RAF1: variants seen among roughly 807,000 people sequenced by gnomAD.
RAF1 encodes the protein RAF proto-oncogene serine/threonine-protein kinase.
RAF1 carries 27 observed loss-of-function variants against 81.1 expected under a neutral mutation model. The ratio of observed to expected loss-of-function variants is 0.33; its 90% confidence interval spans 0.25 to 0.46. The LOEUF (loss-of-function observed/expected upper bound fraction) is 0.46, where lower values mean the gene tolerates loss of function less well. Ranked by LOEUF, RAF1 falls within the 20% of genes least tolerant of loss-of-function variation. RAF1 has a pLI of 1.00. For synonymous variants in RAF1, 298 were observed against 294.0 expected (o/e 1.01, Z -0.14); for missense variants, 598 against 826.0 (o/e 0.72, Z 3.38).
intron 8 of RAF1, among the ~76,000 whole-genome samples, chr3:12,602,290 C>T (rs1352534477): frequency 6.6e-6 from 1 of 152,126 alleles, no homozygotes; most frequent in Non-Finnish European, 1.5e-5. Flanking sequence ...AAAATGCTGA[C>T]TTATATGTGA....
rs1450760549 is a variant in RAF1, at chr3:12,636,521, A to G, written c.-26-17774T>C. Among the ~76,000 whole-genome samples the G allele has an allele frequency of 4.0e-5, 6 of 150,422 alleles. No homozygotes were observed. In the South Asian group the frequency reaches 6.3e-4, roughly 16 times the overall value. Reference sequence around the variant, plus strand: ...AAAAAAAAAAAGGGACATTTGCTACACTGGCTAGGTGTGGTGGCTCATGCC... The same window carrying G: ...AAAAAAAAAAAGGGACATTTGCTACGCTGGCTAGGTGTGGTGGCTCATGCC... On this transcript the variant is annotated intron_variant, in intron 1 of 17. Transcript: ENST00000442415.
At chr3:12,645,241 C>G (rs936185841) in intron 1 of RAF1, among the ~76,000 whole-genome samples, 1 of 151,910 alleles carries the variant, frequency 6.6e-6, no homozygotes, top group Non-Finnish European at 1.5e-5. Context: ...TTGTGTAGTT[C>G]CGACTCAAAA....
In RAF1 at chr3:12,584,824, A is replaced by G. The variant is rs778479992; in HGVS notation, c.1863+23T>C. On this transcript the variant is annotated intron_variant, in intron 17 of 17. Transcript: ENST00000442415. ...ACGAACCAACCCATGCTTTAATCAC[A>G]TTCTAGCAGCCCTGAGCCTTACCTG... 3 of 1,613,912 alleles carry G rather than the reference A, an allele frequency of 1.9e-6. No individual in the cohort carries two copies. The South Asian group carries it at 3.3e-5, about 18-fold the overall frequency.
At chr3:12,602,775 T>C (rs1005048464) in intron 8 of RAF1, among the ~76,000 whole-genome samples, 3 of 152,170 alleles carry the variant, frequency 2.0e-5, no homozygotes, top group African/African-American at 7.2e-5. Flanking sequence ...CTCCTCACAA[T>C]AGTGGCAGGA....
chr3:12,614,414 G>GTT (rs1491289551), intron 2 of RAF1, among the ~76,000 whole-genome samples: 1 of 94,382 alleles, frequency 1.1e-5, no homozygotes, highest in East Asian at 1.3e-3. Context: ...ACGTGCGTGC[G>GTT]TGTGTGTGTG....
chr3:12,646,527 C>T (rs1463162886), intron 1 of RAF1, among the ~76,000 whole-genome samples: 2 of 151,510 alleles, frequency 1.3e-5, no homozygotes, highest in Non-Finnish European at 2.9e-5. Context: ...GTGCGCACCA[C>T]CAACGCCCTG....
At chr3:12,635,009 G>GAC (rs1012011445) in intron 1 of RAF1, among the ~76,000 whole-genome samples, 2 of 152,118 alleles carry the variant, frequency 1.3e-5, no homozygotes, top group Non-Finnish European at 2.9e-5. Flanking sequence ...TTAGGTGCTA[G>GAC]TATATGTTTA....
At chr3:12,660,906 A>G (rs1671763663) in intron 1 of RAF1, among the ~76,000 whole-genome samples, 1 of 152,168 alleles carries the variant, frequency 6.6e-6, no homozygotes. Flanking sequence ...CCCAGGAGGC[A>G]GAGGTCGCAG....
chr3:12,629,385 A>G (rs2059799225), intron 1 of RAF1, among the ~76,000 whole-genome samples: 1 of 152,178 alleles, frequency 6.6e-6, no homozygotes, highest in Admixed American at 6.6e-5. Flanking sequence ...CCAAAAAATA[A>G]ATTTCTTAAA....
chr3:12,585,394 T>TC (rs2058299521), intron 15 of RAF1, 141 bp from the exon 15 acceptor site: 1 of 1,536,752 alleles, frequency 6.5e-7, no homozygotes, highest in South Asian at 1.2e-5. Context: ...CCCAAAGGAC[T>TC]CCAACTCAGG....
intron 1 of RAF1, among the ~76,000 whole-genome samples, chr3:12,640,742 A>AG (rs146090919): frequency 0.84 from 128,364 of 151,918 alleles, 54,701 homozygotes; most frequent in African/African-American, 0.95. Flanking sequence ...GTGGAGAAAT[A>AG]GAACACTTTT....
At chr3:12,619,011 C>T (rs1189569082) in intron 1 of RAF1, among the ~76,000 whole-genome samples, 2 of 151,964 alleles carry the variant, frequency 1.3e-5, no homozygotes, top group Non-Finnish European at 2.9e-5. Context: ...TTTGGGAGGC[C>T]GAGGTGGGTG....
rs576281569 is a variant in RAF1 at position 12,590,660 on chromosome 3, C to T, written c.1430+138G>A. On this transcript the variant is annotated intron_variant, in intron 13 of 17. Transcript: ENST00000442415. The stretch of plus-strand genomic sequence containing the variant: ...ACAACTCATTCCTGATAATTGGCCC[C>T]TCCAGCCCAGGCCAGAGGCTTGTGC... 27 of 1,037,226 alleles carry T rather than the reference C, an allele frequency of 2.6e-5. No homozygotes were observed. In the African/African-American group the frequency reaches 3.3e-4, roughly 13 times the overall value. The allele number at this position is 1,037,226 out of a possible 1,614,324, so 64.3% of individuals were successfully genotyped here.
At chr3:12,619,794 T>C (rs2059497723) in intron 1 of RAF1, among the ~76,000 whole-genome samples, 1 of 151,434 alleles carries the variant, frequency 6.6e-6, no homozygotes, top group Non-Finnish European at 1.5e-5. Context: ...CTTTATAAAT[T>C]ATCTCAAGCC....
intron 1 of RAF1, among the ~76,000 whole-genome samples, chr3:12,632,095 A>T (rs1034089271): frequency 2.1e-4 from 32 of 152,086 alleles, no homozygotes; most frequent in Non-Finnish European, 4.0e-4. Flanking sequence ...TGGGAGGCCA[A>T]GGCAGGGGGA....
intron 1 of RAF1, among the ~76,000 whole-genome samples, chr3:12,634,614 C>T (rs9817675): frequency 0.23 from 34,992 of 151,986 alleles, 4,580 homozygotes; most frequent in African/African-American, 0.36. Context: ...CAAGAATCCA[C>T]AATTATGTGA....
At chr3:12,632,813 T>C (rs997134949) in intron 1 of RAF1, among the ~76,000 whole-genome samples, 1 of 152,080 alleles carries the variant, frequency 6.6e-6, no homozygotes, top group Non-Finnish European at 1.5e-5. Flanking sequence ...TGTAATGACA[T>C]GGACACATTA....
intron 11 of RAF1, among the ~76,000 whole-genome samples, chr3:12,594,774 A>G (rs866861375): frequency 2.2e-4 from 33 of 152,306 alleles, no homozygotes; most frequent in African/African-American, 7.7e-4. Context: ...ATGCAAATAC[A>G]TATCACACCT....
In RAF1 at chr3:12,643,724, A is replaced by T. The variant is rs1575654617; in HGVS notation, c.-27+20089T>A. Among the ~76,000 whole-genome samples the T allele has an allele frequency of 2.0e-5, 3 of 150,608 alleles. No individual in the cohort carries two copies. The East Asian group carries it at 5.8e-4, about 29-fold the overall frequency. The stretch of plus-strand genomic sequence containing the variant: ...GCACTCCAGCCTGGGCAACAAGAGC[A>T]AAACTCTGTCTCAAAAAAAAAAAAA... On this transcript the variant is annotated intron_variant, in intron 1 of 17. Transcript: ENST00000442415.
Sources: gnomAD v4.1 joint callset for allele counts (sites outside exome capture counted in the v4.1 genomes callset) on GRCh38, gnomAD v4.1.1 for gene constraint, MANE v1.5 for transcripts, NCBI Gene and HGNC (gene_info 2026-07-23, HGNC 2026-07-21) for gene names.